Variants in MVP observed in about 807,000 individuals in gnomAD.
MVP encodes the protein major vault protein.
Under a neutral mutation model 83.5 loss-of-function variants are expected in MVP, and 62 were observed. The ratio of observed to expected loss-of-function variants is 0.74; its 90% CI spans 0.61 to 0.92. MVP has a LOEUF of 0.92. MVP is among the 40% of genes least tolerant of loss of function. The probability of loss-of-function intolerance (pLI) is 0.00; values close to 1 mark genes in which losing one functional copy is unlikely to be tolerated. For synonymous variants in MVP, 505 were observed against 504.1 expected, an observed-to-expected ratio of 1.00 and a Z score of -0.02; for missense variants, 1,000 against 1,203.4, an observed-to-expected ratio of 0.83 and a Z score of 2.50.
rs781207318 is a variant in MVP at position 29,839,568 on chromosome 16, A to C, written c.910-610A>C. On this transcript the variant is annotated intron_variant, in intron 7 of 14. Coordinates refer to ENST00000357402, the MANE Select transcript of MVP (RefSeq NM_005115.5). ...AAAGCTGAGGTGGGTAGATCGCTTG[A>C]GTCTAGGACTTTGAGACCAGCTTAG... Among the ~76,000 whole-genome samples, 12 of 152,122 alleles carry C rather than the reference A, an allele frequency of 7.9e-5. No individual in the cohort carries two copies. In the East Asian group the frequency reaches 2.1e-3, roughly 27 times the overall value.
At chr16:29,836,574 A>AT (rs2067488664) in intron 6 of MVP, 148 bp from the exon 7 acceptor site, 2 of 672,406 alleles carry the variant, frequency 3.0e-6, no homozygotes, top group East Asian at 2.8e-5. Flanking sequence ...AGAGACTCCG[A>AT]TTTAAAAAAA....
intron 10 of MVP, 100 bp downstream of exon 10, chr16:29,842,212 A>AG: frequency 1.6e-6 from 2 of 1,234,768 alleles, no homozygotes; most frequent in East Asian, 2.5e-5. Flanking sequence ...TCCAGGCTGC[A>AG]GTGAGCCTTG....
At chr16:29,827,454 A>T (rs904138446) in intron 1 of MVP, among the ~76,000 whole-genome samples, 1 of 152,176 alleles carries the variant, frequency 6.6e-6, no homozygotes, top group Non-Finnish European at 1.5e-5. Flanking sequence ...CCACGGGACC[A>T]TGATGCCTCT....
In MVP at chr16:29,836,763, C is replaced by T. The variant is rs774234293; in HGVS notation, c.714C>T (p.Phe238=). ...HLRARRNFRD[F]RGVSRRTGEE... The stretch of plus-strand genomic sequence containing the variant: ...GGGCTCGGCGGAACTTCCGGGACTT[C>T]AGGGGAGTGTCCCGCCGCACTGGGG... The change falls in exon 7 of 15, where the codon TTC becomes TTT. Residue 238 remains phenylalanine (F), a synonymous_variant. Transcript: ENST00000357402. 1.9e-6 allele frequency: 3 copies of T among 1,610,660 alleles called. No individual in the cohort carries two copies. Among genetic ancestry groups the T allele is most frequent in the Non-Finnish European group, 2.5e-6 (3 of 1,177,752 alleles).
chr16:29,844,950 G>A, intron 11 of MVP, 71 bp downstream of exon 11: 3 of 1,527,498 alleles, frequency 2.0e-6, no homozygotes, highest in Non-Finnish European at 2.6e-6. Flanking sequence ...GGATAACCTG[G>A]CATCCCTTGT....
intron 6 of MVP, among the ~76,000 whole-genome samples, chr16:29,836,015 C>G (rs2150755331): frequency 6.6e-6 from 1 of 152,142 alleles, no homozygotes; most frequent in Non-Finnish European, 1.5e-5. Flanking sequence ...TCTGTAATCT[C>G]AGCAATTTGG....
rs908159352 is a variant in MVP at position 29,836,945 on chromosome 16, A to AGC, written c.900_901dup (p.Val301AlafsTer35). 69 of 1,612,486 alleles carry AGC rather than the reference A, an allele frequency of 4.3e-5. No individual in the cohort carries two copies. The highest frequency in any genetic ancestry group is 5.7e-5 in the Non-Finnish European group (67 of 1,179,194). ...GATGGCAAGAATCAGCTGGGGCAGA[A>AGC]GCGCGTGGTCAAGGTGAGGTCCCTA... is the stretch of plus-strand genomic sequence containing the variant. On this transcript the variant is annotated frameshift_variant, in exon 7 of 15. Coordinates refer to ENST00000357402, the MANE Select transcript of MVP (RefSeq NM_005115.5). LOFTEE classifies it high-confidence loss of function.
Position 29,841,668 on chromosome 16 carries a change from G to A in MVP, c.1264G>A (p.Gly422Arg), listed in dbSNP as rs762332114. Residue 422 changes from glycine (G) to arginine (R), a missense_variant, in exon 9 of 15, where the codon GGG becomes AGG. By Grantham distance (125) the Gly-to-Arg change is moderately radical. Transcript: ENST00000357402. This position sits in a 1 kb window ranked among gnomAD's most constrained non-coding sequence, Gnocchi z 4.7. ...CCTGTGGGAGAAAGAGCTGCCTCCC[G>A]GGGTGGAGGAGCTGCTGAACAAGGG... ...EVLWEKELPP[G>R]VEELLNKGQD... 3.1e-6 allele frequency: 5 copies of A among 1,611,390 alleles called. No homozygotes were observed. The highest frequency in any genetic ancestry group is 4.2e-6 in the Non-Finnish European group (5 of 1,179,064).
Position 29,845,966 on chromosome 16 carries a change from C to T in MVP, c.2125C>T (p.Leu709=). 6.2e-7 allele frequency: 1 copy of T among 1,614,270 alleles called. No homozygotes were observed. Among genetic ancestry groups the T allele is most frequent in the East Asian group, 2.2e-5 (1 of 44,894 alleles). Residue 709 remains leucine (L), a synonymous_variant, in exon 12 of 15, where the codon CTG becomes TTG. Transcript: ENST00000357402. ...GAAAGCTCGCAAGGAACTTTTGGAG[C>T]TGGAGGCTCTGAGGTGGGTTGAGAA... is the stretch of plus-strand genomic sequence containing the variant. ...AEKARKELLE[L]EALSMAVEST... is the part of the protein sequence containing the mutation.
At chr16:29,833,468 CTTTTTTTTTTTT>C in intron 3 of MVP, 1 of 128,126 alleles carries the variant, frequency 7.8e-6, no homozygotes, top group South Asian at 9.0e-5. Context: ...CCTGGCTACA[CTTTTTTTTTTTT>C]TTTTTTTTTT....
chr16:29,830,334 G>C, intron 1 of MVP, 181 bp from the exon 2 acceptor site: 1 of 509,724 alleles, frequency 2.0e-6, no homozygotes, highest in African/African-American at 1.9e-5. Flanking sequence ...AGGATGGGCT[G>C]TGTCGTCTTG....
chr16:29,825,323 G>C (rs1422319969), intron 1 of MVP, among the ~76,000 whole-genome samples: 3 of 152,174 alleles, frequency 2.0e-5, no homozygotes, highest in African/African-American at 7.2e-5. Context: ...CTGAGGGCTG[G>C]GCAGAGCCTT....
At chr16:29,821,983 T>C (rs1293404463) in intron 1 of MVP, among the ~76,000 whole-genome samples, 1 of 152,040 alleles carries the variant, frequency 6.6e-6, no homozygotes, top group African/African-American at 2.4e-5. Context: ...CCCAGTACTT[T>C]GGGAGGCCCG....
At chr16:29,823,128 T>C (rs1241042409) in intron 1 of MVP, among the ~76,000 whole-genome samples, 138 of 127,126 alleles carry the variant, frequency 1.1e-3, no homozygotes, top group Middle Eastern at 3.5e-3. Context: ...TTTTCTTTTT[T>C]TTTTTTTTTT....
intron 8 of MVP, 100 bp downstream of exon 8, chr16:29,840,559 A>G (rs531933652): frequency 1.5e-6 from 2 of 1,364,830 alleles, no homozygotes; most frequent in African/African-American, 1.5e-5. Flanking sequence ...CTTCAGCAGC[A>G]TGGAGAGCCA....
chr16:29,836,780 G>A lies in MVP; in HGVS notation c.731G>A (p.Arg244His), dbSNP rs561716536. ...CGGGACTTCAGGGGAGTGTCCCGCC[G>A]CACTGGGGAGGAGTGGCTGGTAACA... ...NFRDFRGVSR[R>H]TGEEWLVTVQ... Residue 244 changes from arginine to histidine, a missense_variant, in exon 7 of 15, where the codon CGC becomes CAC. Coordinates refer to ENST00000357402, the MANE Select transcript of MVP (RefSeq NM_005115.5). 1,067 of 1,612,816 alleles carry A rather than the reference G, an allele frequency of 6.6e-4. 21 individuals carry two copies. The South Asian group carries it at 0.011, about 17-fold the overall frequency.
rs530679021 is a variant in MVP, at chr16:29,836,711, T to C, written c.673-11T>C. The C allele has an allele frequency of 6.5e-7, 1 of 1,547,082 alleles. No individual in the cohort carries two copies. The highest frequency in any genetic ancestry group is 2.3e-5 in the East Asian group (1 of 43,542). ...GCAGGTCACTCAAATACCCAACATG[T>C]TGCTCTGCAGACAGCCCTGCACCTC... On this transcript the variant is annotated splice_polypyrimidine_tract_variant and intron_variant, in intron 6 of 14. Coordinates refer to ENST00000357402, the MANE Select transcript of MVP (RefSeq NM_005115.5).
chr16:29,831,127 T>C, intron 3 of MVP, 54 bp downstream of exon 3: 1 of 1,527,062 alleles, frequency 6.5e-7, no homozygotes. Flanking sequence ...CCACCTGCCT[T>C]GGGCTCTATA....
At position 29,845,777 on chromosome 16, in the gene MVP, G is replaced by T. The variant is rs558803776; in HGVS notation, c.2022-86G>T. ...GGGGCTGGGGTCTGTCCTGGGCACC[G>T]GTTTGGTTGGTGGCCGCTGCCCTTG... On this transcript the variant is annotated intron_variant, in intron 11 of 14. Transcript: ENST00000357402. 4.1e-6 allele frequency: 5 copies of T among 1,209,588 alleles called. No homozygotes were observed. In the African/African-American group the frequency reaches 6.0e-5, roughly 15 times the overall value. 74.9% of individuals were successfully genotyped at this position (1,209,588 alleles called of 1,614,324 possible). A position where few individuals can be genotyped will look rare whatever the true frequency, so the allele number is the denominator to read the frequency against.
Sources: gnomAD v4.1 joint callset for allele counts (sites outside exome capture counted in the v4.1 genomes callset) on GRCh38, gnomAD v4.1.1 for gene constraint, Gnocchi (gnomAD v3.1) non-coding constraint, MANE v1.5 for transcripts, NCBI Gene and HGNC (gene_info 2026-07-23, HGNC 2026-07-21) for gene names.